The following EYS variants were observed in gnomAD, a reference collection of about 807,000 sequenced individuals.
EYS encodes EGF-like photoreceptor maintenance factor.
Under a neutral mutation model 282.1 loss-of-function variants are expected in EYS, and 250 were observed. The observed-to-expected ratio is 0.89, with a 90% CI of 0.80 to 0.98. EYS has a LOEUF of 0.98. Among genes scored for constraint, EYS ranks in the 50% least tolerant of loss-of-function variants. The pLI is 0.00. For synonymous variants in EYS, 1,355 were observed against 1,282.9 expected (o/e 1.06, Z -1.20); for missense variants, 4,016 against 3,709.0 (o/e 1.08, Z -2.15).
intron 31 of EYS, among the ~76,000 whole-genome samples, chr6:64,136,026 A>C (rs1774149335): frequency 6.6e-6 from 1 of 152,114 alleles, no homozygotes; most frequent in Non-Finnish European, 1.5e-5. Flanking sequence ...TCAAAACTGC[A>C]GACAGTCCTC....
intron 1 of EYS, among the ~76,000 whole-genome samples, chr6:65,682,391 T>C (rs1003356976): frequency 6.3e-4 from 95 of 151,968 alleles, no homozygotes; most frequent in Non-Finnish European, 8.8e-5. Context: ...GGAAACCTTA[T>C]CTGTATCTTC....
chr6:64,435,009 G>A (rs1296495989), intron 28 of EYS, among the ~76,000 whole-genome samples: 1 of 151,796 alleles, frequency 6.6e-6, no homozygotes, highest in Non-Finnish European at 1.5e-5. Context: ...TACAGATGAT[G>A]GTCATCCCTG....
intron 28 of EYS, among the ~76,000 whole-genome samples, chr6:64,429,699 T>A (rs1462578265): frequency 6.6e-6 from 1 of 152,166 alleles, no homozygotes; most frequent in Non-Finnish European, 1.5e-5. Flanking sequence ...CTATATAGGT[T>A]ACATTTTAAG....
In EYS at chr6:65,580,080, A is replaced by G. The variant is rs73742008; in HGVS notation, c.-333+59698T>C. On this transcript the variant is annotated intron_variant, in intron 2 of 42. Coordinates refer to ENST00000503581, the MANE Select transcript of EYS (RefSeq NM_001142800.2). ...ATAATTAATTCAATAATTTTGTTTT[A>G]CAGACCTAAGACACATGCATCAGTA... Among the ~76,000 whole-genome samples, 1,434 of 152,258 alleles carry G rather than the reference A, an allele frequency of 9.4e-3. 21 individuals carry two copies. The highest frequency in any genetic ancestry group is 0.032 in the African/African-American group (1,347 of 41,558).
At chr6:63,924,439 C>A (rs577636371) in intron 35 of EYS, among the ~76,000 whole-genome samples, 132 of 152,344 alleles carry the variant, frequency 8.7e-4, no homozygotes, top group South Asian at 1.7e-3. Flanking sequence ...GCAAGGATAA[C>A]TTCTGCATAG....
chr6:64,362,746 A>C (rs1337474980), intron 29 of EYS, among the ~76,000 whole-genome samples: 3 of 151,808 alleles, frequency 2.0e-5, no homozygotes, highest in Admixed American at 1.3e-4. Context: ...TACTAAAACT[A>C]TAAAATAATA....
At chr6:64,235,854 C>T (rs1187727354) in intron 30 of EYS, among the ~76,000 whole-genome samples, 1 of 152,110 alleles carries the variant, frequency 6.6e-6, no homozygotes, top group East Asian at 1.9e-4. Flanking sequence ...CAAAAAGAGT[C>T]CAGGACCAGA....
intron 41 of EYS, among the ~76,000 whole-genome samples, chr6:63,728,732 C>T (rs1768704947): frequency 6.6e-6 from 1 of 152,168 alleles, no homozygotes; most frequent in Non-Finnish European, 1.5e-5. Context: ...ACTCTCCCTC[C>T]ACCCTGGCAA....
At chr6:64,978,284 T>A (rs115264935) in intron 14 of EYS, among the ~76,000 whole-genome samples, 1 of 152,040 alleles carries the variant, frequency 6.6e-6, no homozygotes, top group South Asian at 2.1e-4. Flanking sequence ...TTAATAATTA[T>A]GCTAGATCCA....
intron 31 of EYS, among the ~76,000 whole-genome samples, chr6:64,169,427 A>C (rs1764407259): frequency 1.4e-5 from 1 of 72,516 alleles, no homozygotes; most frequent in Non-Finnish European, 2.8e-5. Flanking sequence ...CAATTTGAGG[A>C]GGAGTTTTTT....
chr6:64,043,071 T>C (rs547529775), intron 33 of EYS, among the ~76,000 whole-genome samples: 2 of 152,312 alleles, frequency 1.3e-5, no homozygotes, highest in South Asian at 2.1e-4. Flanking sequence ...GTTATGATGA[T>C]TAAATGTTAA....
chr6:65,318,978 A>G (rs1199426611), intron 11 of EYS, among the ~76,000 whole-genome samples: 1 of 151,294 alleles, frequency 6.6e-6, no homozygotes, highest in East Asian at 1.9e-4. Flanking sequence ...TTTTTTTCTG[A>G]TATTAATATT....
At chr6:64,607,946 A>G (rs1766987442) in intron 24 of EYS, among the ~76,000 whole-genome samples, 1 of 152,170 alleles carries the variant, frequency 6.6e-6, no homozygotes. Context: ...TGTTTTAATC[A>G]TTCAATAGGG....
chr6:65,235,446 A>C (rs548245153), intron 12 of EYS, among the ~76,000 whole-genome samples: 1 of 152,188 alleles, frequency 6.6e-6, no homozygotes, highest in Non-Finnish European at 1.5e-5. Flanking sequence ...TAACAAAAGT[A>C]GTTGGTATGA....
intron 14 of EYS, among the ~76,000 whole-genome samples, chr6:64,993,003 T>C (rs931714501): frequency 6.6e-6 from 1 of 152,026 alleles, no homozygotes; most frequent in African/African-American, 2.4e-5. Flanking sequence ...ACATTTGGTA[T>C]GCAAGGATTG....
chr6:65,380,758 G>A (rs995749678), intron 8 of EYS, among the ~76,000 whole-genome samples: 12 of 151,778 alleles, frequency 7.9e-5, no homozygotes, highest in Admixed American at 1.3e-4. Context: ...CTACAAGGAA[G>A]TTAAACAAAT....
At chr6:64,583,238 G>T (rs1323438700) in intron 26 of EYS, among the ~76,000 whole-genome samples, 1 of 151,910 alleles carries the variant, frequency 6.6e-6, no homozygotes, top group African/African-American at 2.4e-5. Context: ...TTCCTTATTT[G>T]TTGGTTTATA....
At chr6:64,503,937 T>G (rs565576705) in intron 26 of EYS, among the ~76,000 whole-genome samples, 5 of 152,286 alleles carry the variant, frequency 3.3e-5, no homozygotes, top group African/African-American at 7.2e-5. Context: ...CCCTTGGCTC[T>G]CTCTCTCTCC....
chr6:65,066,871 A>G (rs1773760371), intron 12 of EYS, among the ~76,000 whole-genome samples: 1 of 152,150 alleles, frequency 6.6e-6, no homozygotes, highest in Non-Finnish European at 1.5e-5. Flanking sequence ...GGGCTATAAA[A>G]TATCTGCTTA....
Sources: gnomAD v4.1 joint callset for allele counts (sites outside exome capture counted in the v4.1 genomes callset) on GRCh38, gnomAD v4.1.1 for gene constraint, MANE v1.5 for transcripts, NCBI Gene and HGNC (gene_info 2026-07-23, HGNC 2026-07-21) for gene names.